Variants in TMPRSS13 observed in about 807,000 individuals in gnomAD.
TMPRSS13 encodes transmembrane protease serine 13.
TMPRSS13 carries 50 observed loss-of-function variants against 68.4 expected under a neutral mutation model. The ratio of observed to expected loss-of-function variants is 0.73; its 90% CI spans 0.58 to 0.93. TMPRSS13 has a LOEUF of 0.93. Among genes scored for constraint, TMPRSS13 ranks in the 40% least tolerant of loss-of-function variants. The pLI is 0.00. For missense variants in TMPRSS13, 615 were observed against 729.2 expected (o/e 0.84, Z 1.80); for synonymous variants, 267 against 285.8 (o/e 0.93, Z 0.66).
At chr11:117,910,557 AGG>A (rs2057512357) in intron 7 of TMPRSS13, 148 bp downstream of exon 7, 1 of 680,186 alleles carries the variant, frequency 1.5e-6, no homozygotes, top group African/African-American at 1.8e-5. Context: ...GGTGCCTTAC[AGG>A]GACTCCAGCC....
chr11:117,920,568 C>T (rs1020551463), intron 1 of TMPRSS13, among the ~76,000 whole-genome samples: 12 of 152,132 alleles, frequency 7.9e-5, no homozygotes, highest in African/African-American at 2.9e-4. Flanking sequence ...TCTTGGCTCA[C>T]TGCGACCTCT....
Position 117,911,851 on chromosome 11 carries a change from C to T in TMPRSS13, c.819G>A (p.Arg273=), listed in dbSNP as rs1176291895. The change falls in exon 6 of 13, where the codon CGG becomes CGA. Residue 273 remains arginine, a synonymous_variant. Transcript: ENST00000524993. ...AATCCCTGTGGGCAACCTCGGTTGT[C>T]CGGTGAGCACTACAAGGGAGCAGAG... The part of the protein sequence containing the change: ...CQQLGFESAH[R]TTEVAHRDFA... 6.2e-7 allele frequency: 1 copy of T among 1,613,774 alleles called. No homozygotes were observed. The highest frequency in any genetic ancestry group is 2.2e-5 in the East Asian group (1 of 44,882).
intron 12 of TMPRSS13, chr11:117,902,952 G>A (rs946985757): frequency 3.0e-6 from 3 of 1,012,212 alleles, no homozygotes; most frequent in Non-Finnish European, 3.5e-6. Context: ...GGCAAGGTAA[G>A]GCACACACTG....
chr11:117,914,049 G>T lies in TMPRSS13; in HGVS notation c.680-143C>A. 9.7e-7 allele frequency: 1 copy of T among 1,028,098 alleles called. No individual in the cohort carries two copies. The highest frequency in any genetic ancestry group is 1.4e-6 in the Non-Finnish European group (1 of 716,096). The allele number at this position is 1,028,098 out of a possible 1,614,324, so 63.7% of individuals were successfully genotyped here. On this transcript the variant is annotated intron_variant, in intron 4 of 12. Transcript: ENST00000524993. This position sits in a 1 kb window ranked among gnomAD's most constrained non-coding sequence, Gnocchi z 4.2. ...GGCCTGGGAAAAGTCCAGGAACATG[G>T]CCTGGGTCATGGGGGTTAACCAGTA...
rs575535 is a variant in TMPRSS13, at chr11:117,901,514, G to C, written c.*725C>G. The C allele has an allele frequency of 0.41, 62,952 of 152,126 alleles. 13,364 individuals are homozygous for C. Among genetic ancestry groups the C allele is most frequent in the East Asian group, 0.61 (3,169 of 5,172 alleles). The allele number at this position is 152,126 out of a possible 1,614,324, so 9.4% of individuals were successfully genotyped here. ...GGTCTTGGGCTGATTGATGCCAGCTGTCAAGGCTTCTGGACTTTTTGGAGA... is the reference window on the plus strand; with the variant it reads ...GGTCTTGGGCTGATTGATGCCAGCTCTCAAGGCTTCTGGACTTTTTGGAGA... On this transcript the variant is annotated 3_prime_UTR_variant, in exon 13 of 13. Transcript: ENST00000524993.
chr11:117,915,313 C>G lies in TMPRSS13; in HGVS notation c.557-799G>C, dbSNP rs1031947643. 6.6e-6 allele frequency among the ~76,000 whole-genome samples: 1 copy of G among 152,216 alleles called. No homozygotes were observed. The highest frequency in any genetic ancestry group is 6.5e-5 in the Admixed American group (1 of 15,292). On this transcript the variant is annotated intron_variant, in intron 3 of 12. Transcript: ENST00000524993. The surrounding 1 kb of genome is among the most constrained non-coding windows in gnomAD (Gnocchi z 4.9). ...GCCTCACAGACCCGGGTTCTAACTT[C>G]TCACCCTGCCGCTCCTCCTCCACCA...
chr11:117,903,331 A>G, intron 12 of TMPRSS13: 1 of 1,456,484 alleles, frequency 6.9e-7, no homozygotes. Flanking sequence ...AATCCTCTGC[A>G]GAAACTGAAA....
At chr11:117,902,378 G>T in intron 12 of TMPRSS13, 113 bp from the exon 13 acceptor site, 1 of 1,149,734 alleles carries the variant, frequency 8.7e-7, no homozygotes, top group Non-Finnish European at 1.3e-6. Context: ...ACCTAGCACT[G>T]CCTCTCCAAG....
In TMPRSS13 at chr11:117,917,340, G is replaced by T. The variant is rs2057589589; in HGVS notation, c.452-66C>A. ...GGAGTCCGACGAGATGGAGAGGGTGGGGGAAACAAGACTGTGGCCCAGGAG... is the reference window on the plus strand; with the variant it reads ...GGAGTCCGACGAGATGGAGAGGGTGTGGGAAACAAGACTGTGGCCCAGGAG... On this transcript the variant is annotated intron_variant, in intron 2 of 12. Coordinates refer to ENST00000524993, the MANE Select transcript of TMPRSS13 (RefSeq NM_001077263.3). The T allele has an allele frequency of 2.3e-6, 3 of 1,311,208 alleles. No homozygotes were observed. In the East Asian group the frequency reaches 7.4e-5, roughly 32 times the overall value. 81.2% of individuals were successfully genotyped at this position (1,311,208 alleles called of 1,614,324 possible).
In TMPRSS13 at chr11:117,918,667, G is replaced by T; in HGVS notation, c.193C>A (p.Pro65Thr). Reference sequence around the variant, plus strand: ...CGGCCTGGAGATGCCCGGCCTGGAGGTGTACCAGCTGGAGATGCCTGGGCT... The same window carrying T: ...CGGCCTGGAGATGCCCGGCCTGGAGTTGTACCAGCTGGAGATGCCTGGGCT... ...SPAQASPAGT[P>T]PGRASPGRAS... Residue 65 changes from proline (P) to threonine (T), a missense_variant, in exon 2 of 13, where the codon CCT becomes ACT. By Grantham distance (38) the Pro-to-Thr change is conservative (BLOSUM62 -1). Coordinates refer to ENST00000524993, the MANE Select transcript of TMPRSS13 (RefSeq NM_001077263.3). The T allele has an allele frequency of 1.3e-6, 2 of 1,589,380 alleles. No homozygotes were observed. The highest frequency in any genetic ancestry group is 1.7e-6 in the Non-Finnish European group (2 of 1,167,858).
intron 1 of TMPRSS13, among the ~76,000 whole-genome samples, chr11:117,925,200 G>A (rs771058041): frequency 1.3e-5 from 2 of 152,204 alleles, no homozygotes; most frequent in African/African-American, 4.8e-5. Context: ...AGAGAAGACC[G>A]ACCTTTCAGT....
chr11:117,926,682 A>G (rs745921645), intron 1 of TMPRSS13, among the ~76,000 whole-genome samples: 25 of 152,236 alleles, frequency 1.6e-4, no homozygotes, highest in Non-Finnish European at 2.9e-4. Context: ...CGCACCTGTC[A>G]TCCCCGTTCT....
At chr11:117,924,418 C>T (rs557482107) in intron 1 of TMPRSS13, among the ~76,000 whole-genome samples, 4 of 152,108 alleles carry the variant, frequency 2.6e-5, no homozygotes, top group Non-Finnish European at 5.9e-5. Flanking sequence ...GACAGAGGCC[C>T]CCGTGGCAGC....
chr11:117,926,556 C>T (rs1173324272), intron 1 of TMPRSS13, among the ~76,000 whole-genome samples: 2 of 152,214 alleles, frequency 1.3e-5, no homozygotes, highest in Non-Finnish European at 2.9e-5. Flanking sequence ...AGGAATGTTG[C>T]TTCATCAATG....
intron 1 of TMPRSS13, among the ~76,000 whole-genome samples, chr11:117,925,745 G>T (rs532074806): frequency 6.6e-6 from 1 of 152,234 alleles, no homozygotes; most frequent in African/African-American, 2.4e-5. Flanking sequence ...ATCCACCCTT[G>T]TTGTTGCTAT....
chr11:117,923,500 C>T (rs1353050368), intron 1 of TMPRSS13, among the ~76,000 whole-genome samples: 2 of 152,128 alleles, frequency 1.3e-5, no homozygotes, highest in Non-Finnish European at 2.9e-5. Flanking sequence ...GTGGATCGAG[C>T]CCCAGGCTCT....
Position 117,918,595 on chromosome 11 carries a change from C to T in TMPRSS13, c.265G>A (p.Ala89Thr), listed in dbSNP as rs1401059635. ...ASPAQASPAR[A>T]SPALASLSRS... is the part of the protein sequence containing the mutation. ...GAAAGTGATGCCAGAGCCGGAGATG[C>T]CCGGGCTGGAGATGCCTGGGCTGGA... Residue 89 changes from alanine to threonine, a missense_variant, in exon 2 of 13, where the codon GCA becomes ACA. Transcript: ENST00000524993. 1 of 1,612,462 alleles carries T rather than the reference C, an allele frequency of 6.2e-7. No individual in the cohort carries two copies. The highest frequency in any genetic ancestry group is 8.5e-7 in the Non-Finnish European group (1 of 1,179,050).
chr11:117,912,325 C>G (rs1288464384), intron 5 of TMPRSS13, among the ~76,000 whole-genome samples: 1 of 152,180 alleles, frequency 6.6e-6, no homozygotes, highest in Non-Finnish European at 1.5e-5. Flanking sequence ...CCCCCCAGAC[C>G]TACTGAATAA....
Position 117,918,491 on chromosome 11 carries a change from T to C in TMPRSS13, c.369A>G (p.Arg123=), listed in dbSNP as rs1313382643. The change falls in exon 2 of 13, where the codon AGA becomes AGG. Residue 123 remains arginine, a synonymous_variant. Transcript: ENST00000524993. ...TGGGTACAGCCCCCACTGGTGTTGC[T>C]CTAACAAGGTACACTCTGGTTGGGG... ...TTSPTRVYLV[R]ATPVGAVPIR... The C allele has an allele frequency of 1.9e-6, 3 of 1,614,052 alleles. No individual in the cohort carries two copies. Among genetic ancestry groups the C allele is most frequent in the Non-Finnish European group, 2.5e-6 (3 of 1,180,028 alleles).
Sources: gnomAD v4.1 joint callset for allele counts (sites outside exome capture counted in the v4.1 genomes callset) on GRCh38, gnomAD v4.1.1 for gene constraint, Gnocchi (gnomAD v3.1) non-coding constraint, MANE v1.5 for transcripts, NCBI Gene and HGNC (gene_info 2026-07-23, HGNC 2026-07-21) for gene names.